GPAT3: variants seen among roughly 807,000 people sequenced by gnomAD.
GPAT3 encodes the protein glycerol-3-phosphate acyltransferase 3, also known as 1-AGP acyltransferase 9.
GPAT3 carries 53 observed loss-of-function variants against 58.8 expected under a neutral mutation model. The observed-to-expected ratio is 0.90, with a 90% CI of 0.72 to 1.13. The LOEUF (loss-of-function observed/expected upper bound fraction) is 1.13. Among genes scored for constraint, GPAT3 ranks in the 50% most tolerant of loss-of-function variants. The probability of loss-of-function intolerance (pLI) is 0.00; values close to 1 mark genes in which losing one functional copy is unlikely to be tolerated. For synonymous variants in GPAT3, 197 were observed against 187.4 expected (o/e 1.05, Z -0.42); for missense variants, 511 against 527.6 (o/e 0.97, Z 0.31).
At chr4:83,566,686 A>G (rs1725402232) in intron 2 of GPAT3, among the ~76,000 whole-genome samples, 2 of 151,410 alleles carry the variant, frequency 1.3e-5, no homozygotes, top group Admixed American at 6.6e-5. Flanking sequence ...TTGTAAATTT[A>G]TTGAGGAAGG....
rs10618385 is a variant in GPAT3 at position 83,547,246 on chromosome 4, CTTTTTTTTTTTTTTT to C, written c.208+2654_208+2668del. ...CACTGAAAAACTTCCTTCTACTGCT[CTTTTTTTTTTTTTTT>C]TTTTTTTTTGAGATGGAGTCTTGCT... On this transcript the variant is annotated intron_variant, in intron 2 of 11. Transcript: ENST00000264409. Among the ~76,000 whole-genome samples the C allele has an allele frequency of 1.1e-4, 9 of 82,206 alleles. 1 individual carries two copies. The East Asian group carries it at 2.9e-3, about 26-fold the overall frequency. 53.9% of individuals were successfully genotyped at this position (82,206 alleles called of 152,430 possible).
chr4:83,594,776 G>C, intron 6 of GPAT3, 69 bp from the exon 7 acceptor site: 1 of 1,232,304 alleles, frequency 8.1e-7, no homozygotes. Flanking sequence ...GAAATTTGTT[G>C]GTACTTAAAA....
chr4:83,589,068 A>C (rs1224775529), intron 5 of GPAT3, among the ~76,000 whole-genome samples: 2 of 152,206 alleles, frequency 1.3e-5, no homozygotes, highest in Admixed American at 1.3e-4. Context: ...AGACCCTTTA[A>C]ACATTTTAAA....
intron 2 of GPAT3, among the ~76,000 whole-genome samples, chr4:83,570,054 G>A (rs1725544360): frequency 1.3e-5 from 2 of 151,956 alleles, no homozygotes; most frequent in Non-Finnish European, 2.9e-5. Flanking sequence ...TGGGGGTGGT[G>A]TTGTATTGAC....
At chr4:83,560,572 A>C (rs958930372) in intron 2 of GPAT3, among the ~76,000 whole-genome samples, 1 of 152,144 alleles carries the variant, frequency 6.6e-6, no homozygotes, top group African/African-American at 2.4e-5. Flanking sequence ...CTTTACCTTT[A>C]AGTATCTGGG....
At chr4:83,562,229 TATATATA>T (rs1345891627) in intron 2 of GPAT3, among the ~76,000 whole-genome samples, 25 of 74,794 alleles carry the variant, frequency 3.3e-4, no homozygotes, top group African/African-American at 1.1e-3. Context: ...ATATATAATA[TATATATA>T]ATATATATAT....
intron 2 of GPAT3, among the ~76,000 whole-genome samples, chr4:83,566,149 G>A (rs893365873): frequency 6.6e-6 from 1 of 152,102 alleles, no homozygotes; most frequent in Non-Finnish European, 1.5e-5. Context: ...GCTCCCCATG[G>A]CTGTCTCACA....
intron 11 of GPAT3, among the ~76,000 whole-genome samples, chr4:83,599,301 T>C (rs1230813981): frequency 6.6e-6 from 1 of 152,220 alleles, no homozygotes; most frequent in Non-Finnish European, 1.5e-5. Context: ...TGGTCTAAGA[T>C]GGCTGTTCCA....
At chr4:83,574,710 G>GGCT (rs1725730491) in intron 2 of GPAT3, among the ~76,000 whole-genome samples, 2 of 120,534 alleles carry the variant, frequency 1.7e-5, no homozygotes, top group South Asian at 5.4e-4. Flanking sequence ...AAGAACTGTG[G>GGCT]GCTGCTTTGA....
chr4:83,568,031 GT>G (rs1010750256), intron 2 of GPAT3, among the ~76,000 whole-genome samples: 5 of 151,652 alleles, frequency 3.3e-5, no homozygotes, highest in African/African-American at 1.2e-4. Flanking sequence ...ATGATTTTCT[GT>G]TTTTTTCTTT....
At chr4:83,548,831 A>G (rs1473450190) in intron 2 of GPAT3, among the ~76,000 whole-genome samples, 1 of 152,018 alleles carries the variant, frequency 6.6e-6, no homozygotes, top group Non-Finnish European at 1.5e-5. Flanking sequence ...TTGCCCACCT[A>G]AACACTCAAA....
chr4:83,572,048 C>T (rs773559396), intron 2 of GPAT3, among the ~76,000 whole-genome samples: 3 of 152,134 alleles, frequency 2.0e-5, no homozygotes, highest in African/African-American at 2.4e-5. Flanking sequence ...GCTGGGATTA[C>T]AGATGTGAGC....
chr4:83,559,636 T>C (rs957788008), intron 2 of GPAT3, among the ~76,000 whole-genome samples: 8 of 152,148 alleles, frequency 5.3e-5, no homozygotes, highest in Admixed American at 5.2e-4. Flanking sequence ...GCAGGAAAGT[T>C]CTTCATCAGT....
chr4:83,541,665 A>G (rs1724308714), intron 1 of GPAT3, among the ~76,000 whole-genome samples: 1 of 152,198 alleles, frequency 6.6e-6, no homozygotes, highest in Non-Finnish European at 1.5e-5. Context: ...AGATCATGCT[A>G]TTTGAGGAAT....
intron 2 of GPAT3, among the ~76,000 whole-genome samples, chr4:83,552,952 A>G (rs565358387): frequency 1.3e-5 from 2 of 152,296 alleles, no homozygotes; most frequent in South Asian, 4.1e-4. Flanking sequence ...GAAGATAGCC[A>G]TCTGGAAATC....
At chr4:83,587,914 C>T (rs914415929) in intron 4 of GPAT3, among the ~76,000 whole-genome samples, 3 of 152,068 alleles carry the variant, frequency 2.0e-5, no homozygotes, top group African/African-American at 7.2e-5. Flanking sequence ...GCTCATAAGA[C>T]CAAGACCAAA....
rs147045844 is a variant in GPAT3, at chr4:83,583,872, G to A, written c.479+2040G>A. ...TGCCTGTAGTCCCAGCTACTTGGGA[G>A]GCTGAAGCAGGAGAAATCACTTGAA... On this transcript the variant is annotated intron_variant, in intron 3 of 11. Transcript: ENST00000264409. 3.7e-3 allele frequency among the ~76,000 whole-genome samples: 563 copies of A among 151,838 alleles called. 5 individuals carry two copies. The highest frequency in any genetic ancestry group is 0.013 in the African/African-American group (535 of 41,388).
chr4:83,557,210 A>C (rs1480791332), intron 2 of GPAT3, among the ~76,000 whole-genome samples: 1 of 152,230 alleles, frequency 6.6e-6, no homozygotes, highest in African/African-American at 2.4e-5. Context: ...GCAGAAAATT[A>C]CTCAGTTATA....
intron 2 of GPAT3, among the ~76,000 whole-genome samples, chr4:83,560,464 C>T (rs1261940598): frequency 6.6e-6 from 1 of 151,964 alleles, no homozygotes; most frequent in African/African-American, 2.4e-5. Context: ...CACAGTCATA[C>T]GTACCTGCTC....
Sources: gnomAD v4.1 joint callset for allele counts (sites outside exome capture counted in the v4.1 genomes callset) on GRCh38, gnomAD v4.1.1 for gene constraint, MANE v1.5 for transcripts, NCBI Gene and HGNC (gene_info 2026-07-23, HGNC 2026-07-21) for gene names.